Variants in COL15A1 observed in about 807,000 individuals in gnomAD.
COL15A1 encodes the protein collagen alpha-1(XV) chain.
COL15A1 carries 111 observed loss-of-function variants against 165.9 expected under a neutral mutation model. That is an observed-to-expected ratio of 0.67 (90% CI 0.57 to 0.78). COL15A1 has a LOEUF of 0.78. Ranked by LOEUF, COL15A1 falls within the 30% of genes least tolerant of loss-of-function variation. The pLI is 0.00. For synonymous variants in COL15A1, 659 were observed against 674.8 expected (o/e 0.98, Z 0.36); for missense variants, 1,745 against 1,789.7 (o/e 0.98, Z 0.45).
At chr9:98,953,056 G>T (rs1186889259) in intron 2 of COL15A1, among the ~76,000 whole-genome samples, 1 of 152,190 alleles carries the variant, frequency 6.6e-6, no homozygotes, top group Non-Finnish European at 1.5e-5. Flanking sequence ...ATTAGATAAT[G>T]GGAGTGTACC....
intron 16 of COL15A1, 134 bp from the exon 17 acceptor site, chr9:99,034,415 A>G: frequency 7.2e-7 from 1 of 1,394,172 alleles, no homozygotes; most frequent in Non-Finnish European, 9.6e-7. Flanking sequence ...TGGTTTGGAG[A>G]CACCAATCTG....
intron 16 of COL15A1, among the ~76,000 whole-genome samples, chr9:99,027,379 G>C (rs1306347092): frequency 6.6e-6 from 1 of 152,122 alleles, no homozygotes; most frequent in Non-Finnish European, 1.5e-5. Flanking sequence ...ATTTTAATTG[G>C]AACCATAACT....
At chr9:98,989,978 AG>A (rs1334394581) in intron 5 of COL15A1, among the ~76,000 whole-genome samples, 1 of 152,252 alleles carries the variant, frequency 6.6e-6, no homozygotes, top group African/African-American at 2.4e-5. Context: ...CACTAAATAC[AG>A]CAGAGCTTCA....
chr9:98,985,133 C>T (rs780775081), intron 2 of COL15A1, among the ~76,000 whole-genome samples: 15 of 152,070 alleles, frequency 9.9e-5, no homozygotes, highest in African/African-American at 3.6e-4. Context: ...ATCTCCAAGT[C>T]GATGGGTGAA....
At position 98,985,822 on chromosome 9, in the gene COL15A1, C is replaced by G; in HGVS notation, c.358C>G (p.Leu120Val). 1 of 1,614,016 alleles carries G rather than the reference C, an allele frequency of 6.2e-7. No individual in the cohort carries two copies. The highest frequency in any genetic ancestry group is 8.5e-7 in the Non-Finnish European group (1 of 1,180,040). The change falls in exon 3 of 42, where the codon CTG (leucine) becomes GTG (valine). Residue 120 changes from leucine to valine, a missense_variant. Transcript: ENST00000375001. The stretch of plus-strand genomic sequence containing the variant: ...TGACGCCTTCCAGAAGGTCATCTAC[C>G]TGGGCCTGCGGCTCTCAGGTGTGGA... ...ITDAFQKVIY[L>V]GLRLSGVEDG...
intron 21 of COL15A1, among the ~76,000 whole-genome samples, chr9:99,038,284 A>C (rs1339652903): frequency 6.6e-6 from 1 of 152,214 alleles, no homozygotes; most frequent in African/African-American, 2.4e-5. Context: ...ATCTCCACAC[A>C]ATATGGCCGA....
intron 30 of COL15A1, among the ~76,000 whole-genome samples, chr9:99,050,428 G>A (rs1450583933): frequency 1.3e-5 from 2 of 152,178 alleles, no homozygotes; most frequent in African/African-American, 4.8e-5. Flanking sequence ...GACTGAGCTG[G>A]GATCATAACT....
chr9:99,065,308 C>T (rs769839178), intron 39 of COL15A1, among the ~76,000 whole-genome samples: 2 of 152,084 alleles, frequency 1.3e-5, no homozygotes, highest in East Asian at 3.9e-4. Context: ...ATCAAGGCCT[C>T]GTGTGATGCA....
At position 99,038,724 on chromosome 9, in the gene COL15A1, G is replaced by A; in HGVS notation, c.2466G>A (p.Val822=). Residue 822 remains valine, a synonymous_variant, in exon 22 of 42, where the codon GTG becomes GTA. Transcript: ENST00000375001. ...ATTTCTCGGACATTCCTGAGCTGGT[G>A]GGGCCTCCGGTTGGTATCTACAGCT... ...FMNFSDIPEL[V]GPPGPDGLPG... 2 of 1,606,066 alleles carry A rather than the reference G, an allele frequency of 1.2e-6. No homozygotes were observed. Among genetic ancestry groups the A allele is most frequent in the Non-Finnish European group, 1.7e-6 (2 of 1,172,732 alleles).
intron 30 of COL15A1, among the ~76,000 whole-genome samples, chr9:99,051,059 A>C (rs1261755829): frequency 6.6e-6 from 1 of 152,198 alleles, no homozygotes; most frequent in Non-Finnish European, 1.5e-5. Context: ...TCAGTGCTGG[A>C]GTGACCTTCC....
At chr9:98,959,505 T>G (rs141150591) in intron 2 of COL15A1, among the ~76,000 whole-genome samples, 1,534 of 151,906 alleles carry the variant, frequency 0.01, 28 homozygotes, top group African/African-American at 0.034. Flanking sequence ...TCCAACACAG[T>G]CTCAAATGGA....
At chr9:98,979,312 C>A (rs1838193208) in intron 2 of COL15A1, among the ~76,000 whole-genome samples, 1 of 152,202 alleles carries the variant, frequency 6.6e-6, no homozygotes, top group South Asian at 2.1e-4. Flanking sequence ...CACGTTATAA[C>A]AATTTATGCT....
intron 7 of COL15A1, among the ~76,000 whole-genome samples, chr9:99,002,504 C>T (rs1838678915): frequency 6.6e-6 from 1 of 152,182 alleles, no homozygotes; most frequent in African/African-American, 2.4e-5. Context: ...TCTTACACAG[C>T]CTAGAGGTAG....
At chr9:98,979,884 G>T (rs769055233) in intron 2 of COL15A1, among the ~76,000 whole-genome samples, 2 of 152,044 alleles carry the variant, frequency 1.3e-5, no homozygotes, top group Non-Finnish European at 2.9e-5. Flanking sequence ...GAGGCTGAGC[G>T]CAGGGGCTCA....
Position 99,070,773 on chromosome 9 carries a change from C to T in COL15A1, c.*887C>T, listed in dbSNP as rs147580030. On this transcript the variant is annotated 3_prime_UTR_variant, in exon 42 of 42. Transcript: ENST00000375001. ...TAAGTGAACATAAAAACATCTTTTC[C>T]GGGTGCTTTCTTCATTTGACTTTTT... 1,256 of 298,634 alleles carry T rather than the reference C, an allele frequency of 4.2e-3. 11 individuals are homozygous for T. The highest frequency in any genetic ancestry group is 0.027 in the African/African-American group (1,168 of 43,734). 18.5% of individuals were successfully genotyped at this position (298,634 alleles called of 1,614,324 possible).
chr9:99,054,435 A>G, intron 31 of COL15A1, 141 bp from the exon 32 acceptor site: 1 of 828,742 alleles, frequency 1.2e-6, no homozygotes, highest in Non-Finnish European at 1.8e-6. Context: ...TTATGATTTT[A>G]CACTTGCTGA....
At chr9:98,994,037 A>G (rs765967732) in intron 5 of COL15A1, among the ~76,000 whole-genome samples, 45 of 139,682 alleles carry the variant, frequency 3.2e-4, no homozygotes, top group African/African-American at 1.1e-3. Flanking sequence ...AGAAAGTTCT[A>G]TGCTGTTGGA....
intron 2 of COL15A1, among the ~76,000 whole-genome samples, chr9:98,981,632 C>CT (rs1446767456): frequency 1.3e-5 from 2 of 152,100 alleles, no homozygotes; most frequent in African/African-American, 4.8e-5. Flanking sequence ...GTTAGAAACA[C>CT]GTATCGAGTG....
intron 3 of COL15A1, among the ~76,000 whole-genome samples, chr9:98,986,672 G>A (rs1164581216): frequency 2.0e-5 from 3 of 152,220 alleles, no homozygotes; most frequent in African/African-American, 7.2e-5. Flanking sequence ...CTAAGTTATT[G>A]TAGTTACTCA....
Sources: gnomAD v4.1 joint callset for allele counts (sites outside exome capture counted in the v4.1 genomes callset) on GRCh38, gnomAD v4.1.1 for gene constraint, MANE v1.5 for transcripts, NCBI Gene and HGNC (gene_info 2026-07-23, HGNC 2026-07-21) for gene names.